MCCC2: variants seen among roughly 807,000 people sequenced by gnomAD.
MCCC2 encodes the protein methylcrotonyl-CoA carboxylase subunit 2, also known as methylcrotonoyl-CoA carboxylase beta chain, mitochondrial.
In MCCC2, 52 loss-of-function variants were observed where a neutral mutation model predicts 77.2. That is an observed-to-expected ratio of 0.67 (90% CI 0.54 to 0.85). The LOEUF (loss-of-function observed/expected upper bound fraction) is 0.85, where lower values mean the gene tolerates loss of function less well. Ranked by LOEUF, MCCC2 falls within the 40% of genes least tolerant of loss-of-function variation. The pLI, the probability that MCCC2 is intolerant of heterozygous loss-of-function variation, is 0.00. For missense variants in MCCC2, 682 were observed against 703.2 expected (o/e 0.97, Z 0.34); for synonymous variants, 253 against 248.4 (o/e 1.02, Z -0.18).
intron 1 of MCCC2, among the ~76,000 whole-genome samples, chr5:71,587,837 C>G (rs910711727): frequency 6.6e-6 from 1 of 152,194 alleles, no homozygotes; most frequent in Admixed American, 6.5e-5. Flanking sequence ...TACTCTGGAC[C>G]TTGTGGGTCT....
intron 6 of MCCC2, among the ~76,000 whole-genome samples, chr5:71,619,285 A>C (rs1196896342): frequency 6.6e-6 from 1 of 151,616 alleles, no homozygotes; most frequent in Non-Finnish European, 1.5e-5. Flanking sequence ...ACAGGGTCTC[A>C]CTCTGTTGCC....
chr5:71,593,369 C>T (rs557440293), intron 2 of MCCC2, among the ~76,000 whole-genome samples: 3 of 151,808 alleles, frequency 2.0e-5, no homozygotes, highest in African/African-American at 4.8e-5. Context: ...CAATTATAGG[C>T]GTGAGCCACT....
At chr5:71,632,495 G>A (rs1288079437) in intron 8 of MCCC2, among the ~76,000 whole-genome samples, 1 of 152,130 alleles carries the variant, frequency 6.6e-6, no homozygotes, top group Non-Finnish European at 1.5e-5. Flanking sequence ...CTTTGACTTC[G>A]AGGACCTTAT....
chr5:71,650,495 C>T lies in MCCC2; in HGVS notation c.1488+312C>T, dbSNP rs7380859. On this transcript the variant is annotated intron_variant, in intron 15 of 16. Coordinates refer to ENST00000340941, the MANE Select transcript of MCCC2 (RefSeq NM_022132.5). ...TTTTAAAATTTTTGAGACAGAGTCT[C>T]GCTCTGTCACCCAGGCTGGAGTGGA... Among the ~76,000 whole-genome samples the T allele has an allele frequency of 0.67, 101,791 of 151,874 alleles. 36,934 individuals are homozygous for T. Among genetic ancestry groups the T allele is most frequent in the East Asian group, 0.88 (4,537 of 5,162 alleles).
At chr5:71,647,623 A>G (rs1009379573) in intron 13 of MCCC2, among the ~76,000 whole-genome samples, 1 of 152,130 alleles carries the variant, frequency 6.6e-6, no homozygotes, top group African/African-American at 2.4e-5. Flanking sequence ...ACCTGGAGGC[A>G]TATAGTGGGC....
chr5:71,633,131 A>ATATATATTTTTTTTTTTTTTTT (rs1554137344), intron 8 of MCCC2, among the ~76,000 whole-genome samples: 7 of 78,076 alleles, frequency 9.0e-5, no homozygotes, highest in African/African-American at 2.5e-4. Flanking sequence ...ATATATATAT[A>ATATATATTTTTTTTTTTTTTTT]TTTTTATTTT....
intron 10 of MCCC2, among the ~76,000 whole-genome samples, chr5:71,638,131 C>T (rs1746993951): frequency 6.6e-6 from 1 of 152,208 alleles, no homozygotes; most frequent in South Asian, 2.1e-4. Flanking sequence ...GCATCTTCAC[C>T]AGGAGTACAT....
intron 8 of MCCC2, among the ~76,000 whole-genome samples, chr5:71,633,101 A>ATATATATG (rs1561841237): frequency 2.2e-4 from 4 of 18,256 alleles, no homozygotes; most frequent in African/African-American, 6.0e-4. Flanking sequence ...TTATATATAT[A>ATATATATG]TATATATATA....
chr5:71,656,565 C>G (rs893412667), intron 16 of MCCC2, among the ~76,000 whole-genome samples, 178 bp from the exon 17 acceptor site: 1 of 152,046 alleles, frequency 6.6e-6, no homozygotes, highest in African/African-American at 2.4e-5. Context: ...CATTTTTTTC[C>G]ACGTTTTCCC....
chr5:71,627,843 T>G (rs925498930), intron 7 of MCCC2, among the ~76,000 whole-genome samples: 3 of 152,038 alleles, frequency 2.0e-5, no homozygotes, highest in Admixed American at 2.0e-4. Flanking sequence ...TTTTAACTTT[T>G]TAATTTTTAT....
chr5:71,649,331 T>A, intron 14 of MCCC2, 78 bp downstream of exon 14: 3 of 1,350,010 alleles, frequency 2.2e-6, no homozygotes, highest in Non-Finnish European at 2.1e-6. Context: ...TTCAGGTGTA[T>A]TTGAAATATA....
chr5:71,645,258 C>T (rs1015532187), intron 12 of MCCC2, among the ~76,000 whole-genome samples: 2 of 152,122 alleles, frequency 1.3e-5, no homozygotes, highest in Admixed American at 6.5e-5. Flanking sequence ...TTTTCTCATT[C>T]TTGTAAACGT....
chr5:71,592,523 A>G (rs1050981578), intron 1 of MCCC2, among the ~76,000 whole-genome samples: 5 of 152,240 alleles, frequency 3.3e-5, no homozygotes, highest in South Asian at 2.1e-4. Context: ...ATAAGATGGT[A>G]TTCTAACCTT....
chr5:71,635,393 T>C (rs1045930145), intron 10 of MCCC2, 147 bp downstream of exon 10: 3 of 742,772 alleles, frequency 4.0e-6, no homozygotes, highest in East Asian at 5.4e-5. Flanking sequence ...GTGGCAATGA[T>C]ACCTTTCCAT....
At chr5:71,643,793 A>C in intron 11 of MCCC2, 26 bp from the exon 12 acceptor site, 2 of 1,614,066 alleles carry the variant, frequency 1.2e-6, no homozygotes, top group Non-Finnish European at 1.7e-6. Context: ...CACAAGACAT[A>C]AATCTTCTTT....
At chr5:71,618,491 T>TCCTTCCTTCCTTCCTTCCTG (rs1746247021) in intron 6 of MCCC2, among the ~76,000 whole-genome samples, 3 of 7,128 alleles carry the variant, frequency 4.2e-4, no homozygotes, top group African/African-American at 1.1e-3. Context: ...CTTTCCTTCT[T>TCCTTCCTTCCTTCCTTCCTG]CCTTCCTTCC....
chr5:71,612,309 ATC>A (rs1745984489), intron 6 of MCCC2, among the ~76,000 whole-genome samples: 1 of 152,102 alleles, frequency 6.6e-6, no homozygotes, highest in Non-Finnish European at 1.5e-5. Context: ...ATTCTGATTA[ATC>A]TATACTTGCA....
chr5:71,621,740 G>T (rs1746354544), intron 6 of MCCC2, among the ~76,000 whole-genome samples: 2 of 151,846 alleles, frequency 1.3e-5, no homozygotes, highest in Admixed American at 1.3e-4. Context: ...ATTACCAGAG[G>T]CTGGGAATGG....
At chr5:71,615,395 A>T (rs375345126) in intron 6 of MCCC2, among the ~76,000 whole-genome samples, 1 of 151,804 alleles carries the variant, frequency 6.6e-6, no homozygotes, top group Non-Finnish European at 1.5e-5. Context: ...TGGTATCATC[A>T]TTTTTTTCCT....
Sources: allele counts gnomAD v4.1 joint callset (sites outside exome capture counted in the v4.1 genomes callset), GRCh38; gene constraint gnomAD v4.1.1; transcripts MANE v1.5; gene names NCBI Gene and HGNC (gene_info 2026-07-23, HGNC 2026-07-21).